Variants in PIK3C2G observed in about 807,000 individuals in gnomAD.
The protein encoded by PIK3C2G is phosphatidylinositol-4-phosphate 3-kinase catalytic subunit type 2 gamma.
A neutral mutation model predicts 181.1 loss-of-function variants in PIK3C2G; 168 were observed. The observed-to-expected ratio is 0.93, with a 90% CI of 0.82 to 1.05. The LOEUF (loss-of-function observed/expected upper bound fraction) is 1.05, where lower values mean the gene tolerates loss of function less well. Among genes scored for constraint, PIK3C2G ranks in the 50% least tolerant of loss-of-function variants. The probability of loss-of-function intolerance (pLI) is 0.00; values close to 1 mark genes in which losing one functional copy is unlikely to be tolerated. For synonymous variants in PIK3C2G, 573 were observed against 592.2 expected (o/e 0.97, Z 0.47); for missense variants, 1,869 against 1,732.8 (o/e 1.08, Z -1.40).
At chr12:18,351,059 A>G (rs553798991) in intron 11 of PIK3C2G, among the ~76,000 whole-genome samples, 18 of 152,258 alleles carry the variant, frequency 1.2e-4, no homozygotes, top group Non-Finnish European at 2.4e-4. Flanking sequence ...AAGTGACCAA[A>G]TATTAAATAG....
chr12:18,348,331 T>TG (rs779941585), intron 11 of PIK3C2G, among the ~76,000 whole-genome samples: 1 of 147,634 alleles, frequency 6.8e-6, no homozygotes, highest in East Asian at 1.9e-4. Context: ...CATTTACGCG[T>TG]GTGTGTGTGT....
the PIK3C2G span, among the ~76,000 whole-genome samples, chr12:18,663,851 A>T: frequency 1.3e-5 from 2 of 152,198 alleles, no homozygotes; most frequent in African/African-American, 4.8e-5. Context: ...CATACATCTT[A>T]TAAGGAATTA....
chr12:18,504,208 C>T (rs1592432190), intron 23 of PIK3C2G, among the ~76,000 whole-genome samples: 1 of 152,120 alleles, frequency 6.6e-6, no homozygotes, highest in East Asian at 1.9e-4. Flanking sequence ...ATAAAATAGA[C>T]CCCAGAGTTC....
At chr12:18,694,452 G>T in the PIK3C2G span, among the ~76,000 whole-genome samples, 1 of 152,122 alleles carries the variant, frequency 6.6e-6, no homozygotes, top group Non-Finnish European at 1.5e-5. Flanking sequence ...GTAATCAAAT[G>T]ATATTCACAG....
At chr12:18,384,054 T>G (rs929912174) in intron 14 of PIK3C2G, among the ~76,000 whole-genome samples, 1 of 151,188 alleles carries the variant, frequency 6.6e-6, no homozygotes, top group Non-Finnish European at 1.5e-5. Context: ...ACTCCTGACC[T>G]CAAGCAATCC....
the PIK3C2G span, among the ~76,000 whole-genome samples, chr12:18,679,278 A>G: frequency 4.7e-4 from 72 of 152,128 alleles, no homozygotes; most frequent in African/African-American, 1.6e-3. Flanking sequence ...TTCAAAAGGC[A>G]GAAGTTCTTT....
chr12:18,321,520 T>C lies in PIK3C2G; in HGVS notation c.1208+488T>C, dbSNP rs537998155. Reference sequence around the variant, plus strand: ...TCTTATATCTAAATGTATGCATGTATTATTTGGAAGAACAGACTTATTGCG... The same window carrying C: ...TCTTATATCTAAATGTATGCATGTACTATTTGGAAGAACAGACTTATTGCG... On this transcript the variant is annotated intron_variant, in intron 7 of 32. Coordinates refer to ENST00000538779, the MANE Select transcript of PIK3C2G (RefSeq NM_001288772.2). 9.2e-5 allele frequency among the ~76,000 whole-genome samples: 14 copies of C among 152,316 alleles called. 1 individual carries two copies. The highest frequency in any genetic ancestry group is 1.8e-4 in the Non-Finnish European group (12 of 68,024).
In PIK3C2G at chr12:18,430,861, GTC is replaced by G. The variant is rs1423072252; in HGVS notation, c.2504+6826_2504+6827del. ...CCACGAAATGAATTAAGCCAATGTT[GTC>G]TCTGGTACAGGGTATTAAATGACCA... On this transcript the variant is annotated intron_variant, in intron 18 of 32. Coordinates refer to ENST00000538779, the MANE Select transcript of PIK3C2G (RefSeq NM_001288772.2). 2.0e-5 allele frequency among the ~76,000 whole-genome samples: 3 copies of G among 152,116 alleles called. No individual in the cohort carries two copies. The East Asian group carries it at 5.8e-4, about 29-fold the overall frequency.
At chr12:18,637,473 A>G (rs756482677) in intron 31 of PIK3C2G, among the ~76,000 whole-genome samples, 22 of 152,010 alleles carry the variant, frequency 1.4e-4, no homozygotes, top group Admixed American at 1.4e-3. Flanking sequence ...CAAGGAACAC[A>G]TAAAAGCTAG....
At chr12:18,695,013 C>A in the PIK3C2G span, 10 of 1,612,416 alleles carry the variant, frequency 6.2e-6, no homozygotes, top group Non-Finnish European at 8.5e-6. Context: ...TCCAGAACCA[C>A]CATTATCCAA....
At chr12:18,635,409 T>A (rs1949549305) in intron 31 of PIK3C2G, among the ~76,000 whole-genome samples, 1 of 152,204 alleles carries the variant, frequency 6.6e-6, no homozygotes, top group African/African-American at 2.4e-5. Flanking sequence ...AGTATTGTGA[T>A]GCACACCCAG....
chr12:18,452,418 C>A (rs910854542), intron 18 of PIK3C2G, among the ~76,000 whole-genome samples: 1 of 151,796 alleles, frequency 6.6e-6, no homozygotes, highest in South Asian at 2.1e-4. Flanking sequence ...GTGGTGATAT[C>A]CCCTTTATCA....
chr12:18,626,584 G>A (rs1949109896), intron 31 of PIK3C2G, among the ~76,000 whole-genome samples: 1 of 151,946 alleles, frequency 6.6e-6, no homozygotes, highest in South Asian at 2.1e-4. Context: ...AATAATTTCT[G>A]TAATGCAAGC....
chr12:18,597,986 A>C (rs1440110899), intron 30 of PIK3C2G, among the ~76,000 whole-genome samples: 1 of 151,830 alleles, frequency 6.6e-6, no homozygotes, highest in Non-Finnish European at 1.5e-5. Context: ...CCACTGCTCA[A>C]GGAAATAAAA....
intron 5 of PIK3C2G, among the ~76,000 whole-genome samples, chr12:18,304,349 T>C (rs914083805): frequency 2.0e-5 from 3 of 152,068 alleles, no homozygotes; most frequent in African/African-American, 7.2e-5. Context: ...CTCTGCCTCC[T>C]GGATTCAAGC....
intron 31 of PIK3C2G, among the ~76,000 whole-genome samples, chr12:18,619,729 C>T (rs7310303): frequency 0.78 from 118,308 of 150,884 alleles, 46,930 homozygotes; most frequent in East Asian, 0.94. Context: ...GAACATACTT[C>T]GTATGATTTT....
intron 16 of PIK3C2G, among the ~76,000 whole-genome samples, chr12:18,411,067 T>C (rs1474771779): frequency 6.7e-6 from 1 of 150,050 alleles, no homozygotes; most frequent in Non-Finnish European, 1.5e-5. Flanking sequence ...AGATTCATTA[T>C]TATTCCTGTT....
At chr12:18,419,654 T>A (rs1260188064) in intron 16 of PIK3C2G, among the ~76,000 whole-genome samples, 1 of 152,144 alleles carries the variant, frequency 6.6e-6, no homozygotes, top group Non-Finnish European at 1.5e-5. Context: ...TAGGTCTCGT[T>A]GCTAGAATGT....
At chr12:18,484,072 A>T (rs537876637) in intron 18 of PIK3C2G, among the ~76,000 whole-genome samples, 2 of 152,222 alleles carry the variant, frequency 1.3e-5, no homozygotes, top group African/African-American at 4.8e-5. Flanking sequence ...CTCCATGGAC[A>T]TGAGTATAGG....
Sources: allele counts gnomAD v4.1 joint callset (sites outside exome capture counted in the v4.1 genomes callset), GRCh38; gene constraint gnomAD v4.1.1; transcripts MANE v1.5; gene names NCBI Gene and HGNC (gene_info 2026-07-23, HGNC 2026-07-21).